The following FAM171A1 variants were observed in gnomAD, a reference collection of about 807,000 sequenced individuals.
FAM171A1 encodes family with sequence similarity 171 member A1.
Under a neutral mutation model 74.9 loss-of-function variants are expected in FAM171A1, and 23 were observed. The observed-to-expected ratio is 0.31, with a 90% CI of 0.22 to 0.44. The LOEUF (loss-of-function observed/expected upper bound fraction) is 0.44, where lower values mean the gene tolerates loss of function less well. Ranked by LOEUF, FAM171A1 falls within the 20% of genes least tolerant of loss-of-function variation. The pLI is 1.00. For missense variants in FAM171A1, 1,162 were observed against 1,159.2 expected (o/e 1.00, Z -0.03); for synonymous variants, 527 against 505.7 (o/e 1.04, Z -0.57).
intron 5 of FAM171A1, among the ~76,000 whole-genome samples, chr10:15,244,626 T>C (rs940753528): frequency 1.3e-5 from 2 of 152,198 alleles, no homozygotes; most frequent in African/African-American, 4.8e-5. Flanking sequence ...CTGTTATTGA[T>C]CACAAGCATT....
intron 4 of FAM171A1, among the ~76,000 whole-genome samples, chr10:15,251,470 T>G (rs780191732): frequency 6.6e-6 from 1 of 151,806 alleles, no homozygotes; most frequent in Non-Finnish European, 1.5e-5. Flanking sequence ...TGGTGCAATC[T>G]TGGCTCACTG....
intron 5 of FAM171A1, among the ~76,000 whole-genome samples, chr10:15,229,686 A>C: frequency 6.8e-6 from 1 of 147,342 alleles, no homozygotes; most frequent in Non-Finnish European, 1.5e-5. Flanking sequence ...CATCATCACC[A>C]TCACCACCAT....
chr10:15,271,312 A>C (rs1834821875), intron 3 of FAM171A1, among the ~76,000 whole-genome samples: 1 of 152,212 alleles, frequency 6.6e-6, no homozygotes, highest in South Asian at 2.1e-4. Context: ...GAATGAAATA[A>C]AGCGAGAAGA....
At chr10:15,254,996 T>A in intron 3 of FAM171A1, 117 bp from the exon 4 acceptor site, 1 of 814,426 alleles carries the variant, frequency 1.2e-6, no homozygotes, top group Non-Finnish European at 1.9e-6. Context: ...CTGCTCCCTC[T>A]CACAAGGCCT....
Position 15,369,769 on chromosome 10 carries a change from G to C in FAM171A1, c.97+1187C>G, listed in dbSNP as rs1214831364. Among the ~76,000 whole-genome samples the C allele has an allele frequency of 5.3e-5, 8 of 152,336 alleles. No individual in the cohort carries two copies. In the South Asian group the frequency reaches 1.7e-3, roughly 32 times the overall value. Reference sequence around the variant, plus strand: ...ACCCTGAGCATGTTAGCCGAGGAAAGGGGGTTCCAGCAAGGAGACCCTCGG... The same window carrying C: ...ACCCTGAGCATGTTAGCCGAGGAAACGGGGTTCCAGCAAGGAGACCCTCGG... On this transcript the variant is annotated intron_variant, in intron 1 of 7. Coordinates refer to ENST00000378116, the MANE Select transcript of FAM171A1 (RefSeq NM_001010924.2).
rs1833909355 is a variant in FAM171A1, at chr10:15,212,908, C to T, written c.*7G>A. 9 of 1,613,444 alleles carry T rather than the reference C, an allele frequency of 5.6e-6. No homozygotes were observed. Among genetic ancestry groups the T allele is most frequent in the Non-Finnish European group, 7.6e-6 (9 of 1,179,856 alleles). On this transcript the variant is annotated 3_prime_UTR_variant, in exon 8 of 8. Transcript: ENST00000378116. The stretch of plus-strand genomic sequence containing the variant: ...TATATTCCACAGTCAGGTGGGTCTG[C>T]GATAGCTCATTTAATGTTAAACGCC...
At position 15,254,879 on chromosome 10, in the gene FAM171A1, C is replaced by A. The variant is rs777046228; in HGVS notation, c.419G>T (p.Gly140Val). The change falls in exon 4 of 8, where the codon GGT (glycine) becomes GTT (valine). Residue 140 changes from glycine to valine, a missense_variant and splice_region_variant. Coordinates refer to ENST00000378116, the MANE Select transcript of FAM171A1 (RefSeq NM_001010924.2). ...DVVQIVSGFQ[G>V]ARPQPRVHFQ... ...ATGAACGCGAGGCTGTGGCCGGGCA[C>A]CTGCAGAGATTAACCTCCGAGTTAT... is the stretch of plus-strand genomic sequence containing the variant. 1.9e-6 allele frequency: 3 copies of A among 1,612,910 alleles called. No homozygotes were observed. The highest frequency in any genetic ancestry group is 2.5e-6 in the Non-Finnish European group (3 of 1,179,048).
At position 15,213,939 on chromosome 10, in the gene FAM171A1, C is replaced by G; in HGVS notation, c.1649G>C (p.Arg550Thr). Reference protein sequence around the residue: ...MMSRSVDHLERPTSFPRPGQL... With the variant: ...MMSRSVDHLETPTSFPRPGQL... ...GCCGGGCCGTGGGAAGGACGTAGGT[C>G]TCTCGAGGTGATCTACTGATCGCGA... The change falls in exon 8 of 8, where the codon AGA (arginine) becomes ACA (threonine). Residue 550 changes from arginine (R) to threonine (T), a missense_variant. Physicochemically the swap from Arg to Thr is moderately conservative, Grantham distance 71 (BLOSUM62 -1). Coordinates refer to ENST00000378116, the MANE Select transcript of FAM171A1 (RefSeq NM_001010924.2). The surrounding 1 kb of genome is among the most constrained non-coding windows in gnomAD (Gnocchi z 6.8). The G allele has an allele frequency of 1.2e-6, 2 of 1,614,174 alleles. No homozygotes were observed. Among genetic ancestry groups the G allele is most frequent in the Non-Finnish European group, 1.7e-6 (2 of 1,180,044 alleles).
intron 5 of FAM171A1, among the ~76,000 whole-genome samples, chr10:15,226,599 G>A (rs976669797): frequency 1.3e-5 from 2 of 152,020 alleles, no homozygotes; most frequent in Non-Finnish European, 2.9e-5. Flanking sequence ...ACTTGAAAAG[G>A]CCATTTATAA....
At chr10:15,273,205 G>A (rs916865153) in intron 3 of FAM171A1, among the ~76,000 whole-genome samples, 7 of 152,186 alleles carry the variant, frequency 4.6e-5, no homozygotes, top group Admixed American at 4.6e-4. Flanking sequence ...AATGATAAAG[G>A]AGGTATCACC....
chr10:15,356,089 T>C (rs940977651), intron 1 of FAM171A1, among the ~76,000 whole-genome samples: 3 of 152,002 alleles, frequency 2.0e-5, no homozygotes, highest in African/African-American at 4.8e-5. Context: ...AACATAAACA[T>C]CGTAGTGAAA....
chr10:15,212,042 A>T lies in FAM171A1; in HGVS notation c.*873T>A, dbSNP rs1365003103. 2 of 152,656 alleles carry T rather than the reference A, an allele frequency of 1.3e-5. No individual in the cohort carries two copies. Among genetic ancestry groups the T allele is most frequent in the Non-Finnish European group, 2.9e-5 (2 of 68,038 alleles). The allele number at this position is 152,656 out of a possible 1,614,324, so 9.5% of individuals were successfully genotyped here. On this transcript the variant is annotated 3_prime_UTR_variant, in exon 8 of 8. Coordinates refer to ENST00000378116, the MANE Select transcript of FAM171A1 (RefSeq NM_001010924.2). Reference sequence around the variant, plus strand: ...ATGCTGACCCCAAATGGCACTTGGCAGCATGCAGTTTAAAGCAAAAGAGAC... The same window carrying T: ...ATGCTGACCCCAAATGGCACTTGGCTGCATGCAGTTTAAAGCAAAAGAGAC...
intron 1 of FAM171A1, among the ~76,000 whole-genome samples, chr10:15,299,643 G>C (rs1157916029): frequency 6.6e-6 from 1 of 151,846 alleles, no homozygotes; most frequent in Non-Finnish European, 1.5e-5. Context: ...GTGCTACGTG[G>C]GAGCCAGTAG....
chr10:15,360,823 C>A (rs1835984814), intron 1 of FAM171A1, among the ~76,000 whole-genome samples: 1 of 152,226 alleles, frequency 6.6e-6, no homozygotes. Context: ...ACGCCTTCAT[C>A]AAGGCAGCCC....
At chr10:15,287,117 A>G (rs1835045378) in intron 1 of FAM171A1, among the ~76,000 whole-genome samples, 4 of 129,530 alleles carry the variant, frequency 3.1e-5, no homozygotes, top group African/African-American at 6.1e-5. Flanking sequence ...TTTGAGATGG[A>G]GTCTCACTCT....
Position 15,276,929 on chromosome 10 carries a change from T to C in FAM171A1, c.326-982A>G, listed in dbSNP as rs58147915. On this transcript the variant is annotated intron_variant, in intron 2 of 7. Transcript: ENST00000378116. ...TCAAACTCCTGGGCTCAAGCAATCC[T>C]TCCCACCTTTGCCTTCCAAAGTCCT... Among the ~76,000 whole-genome samples the C allele has an allele frequency of 3.2e-3, 480 of 152,150 alleles. 3 individuals carry two copies. Among genetic ancestry groups the C allele is most frequent in the African/African-American group, 0.011 (462 of 41,528 alleles).
intron 1 of FAM171A1, among the ~76,000 whole-genome samples, chr10:15,334,154 T>A (rs868619607): frequency 6.6e-6 from 1 of 152,234 alleles, no homozygotes; most frequent in South Asian, 2.1e-4. Context: ...AGGACTTCTC[T>A]TTACATATCC....
chr10:15,312,588 G>C (rs1457379845), intron 1 of FAM171A1, among the ~76,000 whole-genome samples: 1 of 148,798 alleles, frequency 6.7e-6, no homozygotes, highest in African/African-American at 2.5e-5. Context: ...GAGGTGCCCG[G>C]CTGCAAACTG....
Position 15,212,850 on chromosome 10 carries a change from C to A in FAM171A1, c.*65G>T, listed in dbSNP as rs555774672. 8 of 1,585,940 alleles carry A rather than the reference C, an allele frequency of 5.0e-6. No homozygotes were observed. In the Admixed American group the frequency reaches 7.1e-5, roughly 14 times the overall value. On this transcript the variant is annotated 3_prime_UTR_variant, in exon 8 of 8. Transcript: ENST00000378116. Reference sequence around the variant, plus strand: ...GTTCCGTTTCCTCCACGAACGGGTACGCGCTTCCATGAGAAAGGATATTTG... The same window carrying A: ...GTTCCGTTTCCTCCACGAACGGGTAAGCGCTTCCATGAGAAAGGATATTTG...
Sources: gnomAD v4.1 joint callset for allele counts (sites outside exome capture counted in the v4.1 genomes callset) on GRCh38, gnomAD v4.1.1 for gene constraint, Gnocchi (gnomAD v3.1) non-coding constraint, MANE v1.5 for transcripts, NCBI Gene and HGNC (gene_info 2026-07-23, HGNC 2026-07-21) for gene names.